The following RBFOX1 variants were observed in gnomAD, a reference collection of about 807,000 sequenced individuals.
RBFOX1 encodes RNA binding protein fox-1 homolog 1.
RBFOX1 carries 8 observed loss-of-function variants against 57.7 expected under a neutral mutation model. The observed-to-expected ratio is 0.14, with a 90% confidence interval of 0.08 to 0.25. The LOEUF is 0.25. Among genes scored for constraint, RBFOX1 ranks in the 10% least tolerant of loss-of-function variants. The probability of loss-of-function intolerance (pLI) is 1.00; values close to 1 mark genes in which losing one functional copy is unlikely to be tolerated. For synonymous variants in RBFOX1, 326 were observed against 222.4 expected, an observed-to-expected ratio of 1.47 and a Z score of -4.15; for missense variants, 611 against 548.5, an observed-to-expected ratio of 1.11 and a Z score of -1.14.
At chr16:7,109,732 C>A (rs756638675) in intron 4 of RBFOX1, among the ~76,000 whole-genome samples, 1 of 152,110 alleles carries the variant, frequency 6.6e-6, no homozygotes, top group African/African-American at 2.4e-5. Flanking sequence ...GAAGAGGGGT[C>A]ATTCCAGATC....
intron 3 of RBFOX1, among the ~76,000 whole-genome samples, chr16:6,860,478 T>C (rs753655820): frequency 1.3e-5 from 2 of 152,202 alleles, no homozygotes; most frequent in Admixed American, 6.5e-5. Flanking sequence ...GAAGAGTATA[T>C]TGATGCACCT....
chr16:6,007,131 A>G (rs997784057), intron 4 of RBFOX1, among the ~76,000 whole-genome samples: 1 of 152,148 alleles, frequency 6.6e-6, no homozygotes, highest in Admixed American at 6.5e-5. Context: ...GCACTAAATG[A>G]TCCCTCTCTC....
At chr16:6,808,439 T>C (rs2087511171) in intron 3 of RBFOX1, among the ~76,000 whole-genome samples, 1 of 152,178 alleles carries the variant, frequency 6.6e-6, no homozygotes, top group East Asian at 1.9e-4. Flanking sequence ...GTGAATAAAC[T>C]ACATCCCAAG....
intron 5 of RBFOX1, among the ~76,000 whole-genome samples, chr16:7,574,815 C>T (rs908384632): frequency 6.6e-6 from 1 of 152,146 alleles, no homozygotes; most frequent in African/African-American, 2.4e-5. Flanking sequence ...CTCCTATTGA[C>T]AGATGACAGC....
intron 2 of RBFOX1, among the ~76,000 whole-genome samples, chr16:6,454,682 C>T (rs1381692604): frequency 2.0e-5 from 3 of 152,022 alleles, no homozygotes; most frequent in African/African-American, 4.8e-5. Flanking sequence ...CATTCTTCTG[C>T]CTGGGAGGTG....
At chr16:6,261,204 A>T (rs575536542) in intron 1 of RBFOX1, among the ~76,000 whole-genome samples, 1 of 152,182 alleles carries the variant, frequency 6.6e-6, no homozygotes, top group African/African-American at 2.4e-5. Flanking sequence ...TTCCCAGTGG[A>T]TGAGAGAAAA....
At chr16:7,217,983 T>TGTGCATGTGTGCAC (rs1298094605) in intron 4 of RBFOX1, among the ~76,000 whole-genome samples, 1 of 151,576 alleles carries the variant, frequency 6.6e-6, no homozygotes, top group Admixed American at 6.6e-5. Context: ...CGTGTGTGCA[T>TGTGCATGTGTGCAC]GTGCATGTGT....
chr16:5,443,053 G>C (rs554251844), intron 1 of RBFOX1, among the ~76,000 whole-genome samples: 36 of 152,266 alleles, frequency 2.4e-4, no homozygotes, highest in Non-Finnish European at 4.0e-4. Context: ...AAAGAGGCAA[G>C]GAACAGTCCT....
chr16:7,364,484 T>C (rs2097397336), intron 4 of RBFOX1, among the ~76,000 whole-genome samples: 1 of 151,900 alleles, frequency 6.6e-6, no homozygotes, highest in Non-Finnish European at 1.5e-5. Flanking sequence ...GTTGCTGAGT[T>C]TCAAGTACTA....
intron 4 of RBFOX1, chr16:7,126,493 C>G (rs1385989656): frequency 4.4e-6 from 1 of 227,876 alleles, no homozygotes; most frequent in Admixed American, 4.1e-5. Context: ...ACATCCCTGA[C>G]TGCTGTGGCC....
chr16:7,588,506 C>T lies in RBFOX1; in HGVS notation c.468+1206C>T, dbSNP rs1425242765. On this transcript the variant is annotated intron_variant, in intron 7 of 15. Transcript: ENST00000550418. ...TTGGTAACCAGAAAGTGAATGCTTT[C>T]AATAGCTCTGACGGGTCTCCTGGCT... Among the ~76,000 whole-genome samples the T allele has an allele frequency of 7.2e-5, 11 of 152,292 alleles. No individual in the cohort carries two copies. In the South Asian group the frequency reaches 2.3e-3, roughly 32 times the overall value.
chr16:6,289,192 G>A (rs9935647), intron 1 of RBFOX1, among the ~76,000 whole-genome samples: 146,475 of 152,256 alleles, frequency 0.96, 70,727 homozygotes, highest in East Asian at 1. Flanking sequence ...TCTTTGATCA[G>A]TAGAATTTTT....
chr16:7,702,637 C>A (rs2081130527), intron 14 of RBFOX1, among the ~76,000 whole-genome samples: 1 of 152,186 alleles, frequency 6.6e-6, no homozygotes, highest in African/African-American at 2.4e-5. Flanking sequence ...CCCTTCTGGT[C>A]TTGTTCTTTC....
intron 2 of RBFOX1, among the ~76,000 whole-genome samples, chr16:5,503,719 C>G (rs1398537039): frequency 2.6e-5 from 4 of 152,156 alleles, no homozygotes; most frequent in Admixed American, 2.0e-4. Context: ...GCTGGTATTA[C>G]AAGCATGAGC....
chr16:6,510,093 C>G (rs550335941), intron 2 of RBFOX1, among the ~76,000 whole-genome samples: 35 of 152,270 alleles, frequency 2.3e-4, no homozygotes, highest in Admixed American at 6.5e-4. Flanking sequence ...TTACTGAAAG[C>G]TTCTGACTGT....
chr16:5,357,870 C>T (rs1213368618), intron 1 of RBFOX1, among the ~76,000 whole-genome samples: 1 of 152,148 alleles, frequency 6.6e-6, no homozygotes, highest in Admixed American at 6.5e-5. Flanking sequence ...TTGAAATCCT[C>T]CATGGAATGA....
chr16:6,403,065 G>T (rs186003244), intron 2 of RBFOX1, among the ~76,000 whole-genome samples: 1 of 152,110 alleles, frequency 6.6e-6, no homozygotes, highest in African/African-American at 2.4e-5. Flanking sequence ...TGAGAGAGTC[G>T]ATTGTGTTAA....
intron 3 of RBFOX1, among the ~76,000 whole-genome samples, chr16:6,719,980 G>A (rs1210279300): frequency 6.6e-6 from 1 of 151,946 alleles, no homozygotes; most frequent in African/African-American, 2.4e-5. Flanking sequence ...TATAATCCCA[G>A]CTACCTGGGA....
intron 2 of RBFOX1, among the ~76,000 whole-genome samples, chr16:6,404,410 G>C (rs1209172830): frequency 6.6e-6 from 1 of 152,126 alleles, no homozygotes; most frequent in Non-Finnish European, 1.5e-5. Context: ...TGTAGTATTT[G>C]TGATGGTAGT....
Sources: allele counts gnomAD v4.1 joint callset (sites outside exome capture counted in the v4.1 genomes callset), GRCh38; gene constraint gnomAD v4.1.1; transcripts MANE v1.5; gene names NCBI Gene and HGNC (gene_info 2026-07-23, HGNC 2026-07-21).